SYN2: variants seen among roughly 807,000 people sequenced by gnomAD.
SYN2 encodes synapsin II, also known as synapsin-2.
Under a neutral mutation model 50.9 loss-of-function variants are expected in SYN2, and 19 were observed. That is an observed-to-expected ratio of 0.37 (90% CI 0.26 to 0.55). SYN2 has a LOEUF of 0.55. Among genes scored for constraint, SYN2 ranks in the 20% least tolerant of loss-of-function variants. The probability of loss-of-function intolerance (pLI) is 0.81; values close to 1 mark genes in which losing one functional copy is unlikely to be tolerated. For synonymous variants in SYN2, 255 were observed against 224.9 expected (o/e 1.13, Z -1.20); for missense variants, 587 against 576.4 (o/e 1.02, Z -0.19).
Position 12,147,470 on chromosome 3 carries a change from C to A in SYN2, c.684+1635C>A, listed in dbSNP as rs1009114323. On this transcript the variant is annotated intron_variant, in intron 4 of 12. Coordinates refer to ENST00000621198, the MANE Select transcript of SYN2 (RefSeq NM_133625.6). The stretch of plus-strand genomic sequence containing the variant: ...TGGAATCCTAGATTCTGCAGAAACA[C>A]GCTAACAGAGTGTGATTTTAGTATG... 2.6e-4 allele frequency among the ~76,000 whole-genome samples: 40 copies of A among 152,268 alleles called. 1 individual carries two copies. Among genetic ancestry groups the A allele is most frequent in the Admixed American group, 7.8e-4 (12 of 15,302 alleles).
At chr3:12,057,775 G>A (rs1695026367) in intron 1 of SYN2, among the ~76,000 whole-genome samples, 1 of 152,038 alleles carries the variant, frequency 6.6e-6, no homozygotes, top group South Asian at 2.1e-4. Flanking sequence ...GACAATCAGG[G>A]AAGATTTTAT....
chr3:12,117,194 C>T (rs552209656), intron 1 of SYN2, among the ~76,000 whole-genome samples: 11 of 152,146 alleles, frequency 7.2e-5, no homozygotes, highest in Non-Finnish European at 1.5e-4. Context: ...TTTTCCCCAC[C>T]TTCATGGATT....
At chr3:12,090,093 G>A (rs993604957) in intron 1 of SYN2, among the ~76,000 whole-genome samples, 1 of 152,146 alleles carries the variant, frequency 6.6e-6, no homozygotes, top group African/African-American at 2.4e-5. Context: ...TGGCCTCCAG[G>A]AGACACATTT....
At chr3:12,138,864 G>T (rs1014904177) in intron 1 of SYN2, among the ~76,000 whole-genome samples, 9 of 152,202 alleles carry the variant, frequency 5.9e-5, no homozygotes, top group African/African-American at 2.2e-4. Flanking sequence ...ATTCACTCCA[G>T]TTCCTTCTTT....
chr3:12,006,417 A>G (rs1393625948), intron 1 of SYN2, among the ~76,000 whole-genome samples: 2 of 152,362 alleles, frequency 1.3e-5, no homozygotes, highest in Admixed American at 1.3e-4. Flanking sequence ...GACTCAGTTC[A>G]TATCAACAAG....
intron 1 of SYN2, among the ~76,000 whole-genome samples, chr3:12,137,869 T>C (rs1173125637): frequency 2.6e-5 from 4 of 152,206 alleles, no homozygotes; most frequent in Admixed American, 6.5e-5. Context: ...AACATTTTAC[T>C]TTTTGTTTTA....
intron 1 of SYN2, among the ~76,000 whole-genome samples, chr3:12,029,281 CT>C (rs1455380185): frequency 7.7e-6 from 1 of 130,564 alleles, no homozygotes; most frequent in Non-Finnish European, 1.5e-5. Context: ...TTACTGTAGC[CT>C]TGTAGTATAG....
chr3:12,076,395 TTTCTC>T (rs1695468439), intron 1 of SYN2, among the ~76,000 whole-genome samples: 2 of 152,146 alleles, frequency 1.3e-5, no homozygotes, highest in African/African-American at 2.4e-5. Context: ...TTATATTTCT[TTTCTC>T]AGGCTGTGTA....
intron 1 of SYN2, among the ~76,000 whole-genome samples, chr3:12,086,474 A>G (rs1417638328): frequency 6.6e-6 from 1 of 152,210 alleles, no homozygotes; most frequent in South Asian, 2.1e-4. Context: ...TCAACAAAAT[A>G]CTAGCAGACC....
chr3:12,099,375 A>G (rs775514390), intron 1 of SYN2, among the ~76,000 whole-genome samples: 6 of 152,198 alleles, frequency 3.9e-5, no homozygotes, highest in Non-Finnish European at 8.8e-5. Context: ...TCCAACTGCA[A>G]TAGGATGAAA....
chr3:12,058,842 C>G (rs1695053513), intron 1 of SYN2, among the ~76,000 whole-genome samples: 1 of 152,184 alleles, frequency 6.6e-6, no homozygotes, highest in African/African-American at 2.4e-5. Flanking sequence ...CTGAGAGTCC[C>G]TTCTCATTAC....
intron 1 of SYN2, among the ~76,000 whole-genome samples, chr3:12,059,012 A>G (rs1415679775): frequency 6.6e-6 from 1 of 152,216 alleles, no homozygotes; most frequent in African/African-American, 2.4e-5. Flanking sequence ...GTCTGGTTAT[A>G]TGCATCCAAG....
At chr3:12,008,324 T>G (rs1409680295) in intron 1 of SYN2, among the ~76,000 whole-genome samples, 2 of 152,196 alleles carry the variant, frequency 1.3e-5, no homozygotes, top group Non-Finnish European at 2.9e-5. Flanking sequence ...ATGAAGCACC[T>G]TCTCTGTATA....
At chr3:12,184,764 C>T in intron 11 of SYN2, 2 of 985,914 alleles carry the variant, frequency 2.0e-6, no homozygotes, top group Non-Finnish European at 2.4e-6. Flanking sequence ...TTCATTAAAC[C>T]AGGCCTCAGC....
At chr3:12,046,954 A>T (rs1694754037) in intron 1 of SYN2, among the ~76,000 whole-genome samples, 1 of 132,426 alleles carries the variant, frequency 7.6e-6, no homozygotes, top group Non-Finnish European at 1.5e-5. Context: ...TGCCAATGAG[A>T]CAATAAAGAG....
At chr3:12,034,483 A>G (rs1366132526) in intron 1 of SYN2, among the ~76,000 whole-genome samples, 1 of 152,206 alleles carries the variant, frequency 6.6e-6, no homozygotes, top group Non-Finnish European at 1.5e-5. Flanking sequence ...ATAACAGAAT[A>G]TTACAGACTG....
chr3:12,119,094 G>A (rs1283358933), intron 1 of SYN2, among the ~76,000 whole-genome samples: 1 of 151,954 alleles, frequency 6.6e-6, no homozygotes, highest in East Asian at 1.9e-4. Flanking sequence ...TTTCAGTTCT[G>A]GCTTTCTAAC....
chr3:12,097,818 C>G (rs2125186835), intron 1 of SYN2, among the ~76,000 whole-genome samples: 1 of 152,124 alleles, frequency 6.6e-6, no homozygotes, highest in East Asian at 1.9e-4. Context: ...AACACTTGGA[C>G]ACAGAGTGGG....
At chr3:12,064,844 C>T (rs572738677) in intron 1 of SYN2, among the ~76,000 whole-genome samples, 1 of 152,030 alleles carries the variant, frequency 6.6e-6, no homozygotes, top group Non-Finnish European at 1.5e-5. Flanking sequence ...TGTAGAGTTA[C>T]CATATGAGCC....
Sources: gnomAD v4.1 joint callset for allele counts (sites outside exome capture counted in the v4.1 genomes callset) on GRCh38, gnomAD v4.1.1 for gene constraint, MANE v1.5 for transcripts, NCBI Gene and HGNC (gene_info 2026-07-23, HGNC 2026-07-21) for gene names.